Variants in WNT5B observed in about 807,000 individuals in gnomAD.
WNT5B encodes the protein Wnt family member 5B.
Under a neutral mutation model 36.5 loss-of-function variants are expected in WNT5B, and 18 were observed. The ratio of observed to expected loss-of-function variants is 0.49; its 90% CI spans 0.34 to 0.73. The LOEUF (loss-of-function observed/expected upper bound fraction) is 0.73. Ranked by LOEUF, WNT5B falls within the 30% of genes least tolerant of loss-of-function variation. The probability of loss-of-function intolerance (pLI) is 0.01; values close to 1 mark genes in which losing one functional copy is unlikely to be tolerated. For synonymous variants in WNT5B, 213 were observed against 212.3 expected (o/e 1.00, Z -0.03); for missense variants, 424 against 508.4 (o/e 0.83, Z 1.60).
At chr12:1,624,402 GAGAA>G (rs2094538387), upstream of WNT5B, among the ~76,000 whole-genome samples, 3 of 119,486 alleles carry the variant, frequency 2.5e-5, no homozygotes, top group East Asian at 4.6e-4. Context: ...AAAAAAAAAA[GAGAA>G]AGCAGAGAAG....
chr12:1,645,922 C>T lies in WNT5B; in HGVS notation c.750C>T (p.Asp250=). ...KVGDRLKEKY[D]SAAAMRVTRK... is the part of the protein sequence containing the mutation. Reference sequence around the variant, plus strand: ...GGGACCGGCTGAAGGAGAAGTACGACAGCGCGGCCGCCATGCGCGTCACCC... The same window carrying T: ...GGGACCGGCTGAAGGAGAAGTACGATAGCGCGGCCGCCATGCGCGTCACCC... The change falls in exon 5 of 5, where the codon GAC becomes GAT. Residue 250 remains aspartate, a synonymous_variant. Transcript: ENST00000397196. The T allele has an allele frequency of 1.2e-6, 2 of 1,610,368 alleles. No individual in the cohort carries two copies. The highest frequency in any genetic ancestry group is 1.7e-6 in the Non-Finnish European group (2 of 1,179,864).
chr12:1,643,523 G>A (rs2094579348), intron 4 of WNT5B, among the ~76,000 whole-genome samples: 1 of 151,856 alleles, frequency 6.6e-6, no homozygotes. Flanking sequence ...GTGCCACCAC[G>A]CCTGGGCTAA....
chr12:1,632,630 T>C lies in WNT5B; in HGVS notation c.81-28T>C, dbSNP rs775485492. On this transcript the variant is annotated intron_variant, in intron 2 of 4. Coordinates refer to ENST00000397196, the MANE Select transcript of WNT5B (RefSeq NM_032642.3). The surrounding 1 kb of genome is among the most constrained non-coding windows in gnomAD (Gnocchi z 5.8). ...GGCGTATGCTCACTCCTGGGCCTTT[T>C]TTTCCCCTTTCTGGATTGCTGTCCT... 2 of 1,582,420 alleles carry C rather than the reference T, an allele frequency of 1.3e-6. No homozygotes were observed. The highest frequency in any genetic ancestry group is 1.3e-5 in the African/African-American group (1 of 74,120).
At chr12:1,628,892 A>C (rs2094544792), upstream of WNT5B, among the ~76,000 whole-genome samples, 1 of 151,818 alleles carries the variant, frequency 6.6e-6, no homozygotes. Flanking sequence ...CAGGACAGAG[A>C]GCGTCCTGAG....
intron 4 of WNT5B, among the ~76,000 whole-genome samples, chr12:1,641,059 G>A (rs1392811822): frequency 6.6e-6 from 1 of 152,184 alleles, no homozygotes; most frequent in Non-Finnish European, 1.5e-5. Context: ...GTTCCCAGGC[G>A]AGGTAATGTA....
chr12:1,635,108 C>T (rs762742020), intron 3 of WNT5B, among the ~76,000 whole-genome samples: 2 of 152,166 alleles, frequency 1.3e-5, no homozygotes, highest in African/African-American at 4.8e-5. Flanking sequence ...ACCCAAGGGC[C>T]CAAAGGCTGC....
chr12:1,639,595 C>CGT (rs1332393724), intron 3 of WNT5B, 89 bp from the exon 4 acceptor site: 1 of 1,375,830 alleles, frequency 7.3e-7, no homozygotes, highest in African/African-American at 1.5e-5. Context: ...AGAGCCGTGG[C>CGT]GTGCGGGTCC....
At chr12:1,623,833 C>G (rs2094537606) in intron 1 of WNT5B, among the ~76,000 whole-genome samples, 2 of 152,190 alleles carry the variant, frequency 1.3e-5, no homozygotes, top group Admixed American at 1.3e-4. Context: ...TAAGTACCAA[C>G]TCTTTAAAAC....
intron 3 of WNT5B, among the ~76,000 whole-genome samples, chr12:1,634,824 C>G (rs936585355): frequency 2.0e-5 from 3 of 152,180 alleles, no homozygotes; most frequent in Admixed American, 2.0e-4. Flanking sequence ...CGGCCCGTTG[C>G]CCAGCTTCTG....
chr12:1,620,723 T>C (rs1301808122), intron 1 of WNT5B, among the ~76,000 whole-genome samples: 1 of 104,888 alleles, frequency 9.5e-6, no homozygotes, highest in Non-Finnish European at 2.0e-5. Context: ...TTTTTTTTTT[T>C]AGACGGAGTC....
rs1592524627 is a variant in WNT5B, at chr12:1,631,000, A to G, written c.-57-298A>G. On this transcript the variant is annotated intron_variant, in intron 1 of 4. Coordinates refer to ENST00000397196, the MANE Select transcript of WNT5B (RefSeq NM_032642.3). The surrounding 1 kb of genome is among the most constrained non-coding windows in gnomAD (Gnocchi z 5.3). Reference sequence around the variant, plus strand: ...TGGCCTCCCGGCTGCCGAACGGAGGAACGCCGCAAGCTCCGCTCTTGAAAT... The same window carrying G: ...TGGCCTCCCGGCTGCCGAACGGAGGGACGCCGCAAGCTCCGCTCTTGAAAT... 1 of 178,426 alleles carries G rather than the reference A, an allele frequency of 5.6e-6. No individual in the cohort carries two copies. The highest frequency in any genetic ancestry group is 2.4e-3 in the Middle Eastern group (1 of 422). 11.1% of individuals were successfully genotyped at this position (178,426 alleles called of 1,614,324 possible).
At chr12:1,642,243 G>A (rs1565612389) in intron 4 of WNT5B, among the ~76,000 whole-genome samples, 1 of 152,196 alleles carries the variant, frequency 6.6e-6, no homozygotes, top group Non-Finnish European at 1.5e-5. Flanking sequence ...ACGTCTTTGG[G>A]TGTCTGGGCC....
intron 3 of WNT5B, 33 bp from the exon 4 acceptor site, chr12:1,639,651 G>A (rs2094570225): frequency 2.7e-6 from 4 of 1,469,748 alleles, no homozygotes; most frequent in African/African-American, 1.4e-5. Context: ...AGAGGAGAGC[G>A]CACCCGCTTA....
chr12:1,624,061 G>A (rs966246368), intron 1 of WNT5B, among the ~76,000 whole-genome samples: 9 of 152,022 alleles, frequency 5.9e-5, no homozygotes, highest in African/African-American at 9.7e-5. Flanking sequence ...CACACTATTC[G>A]CAGCCGTAGT....
At chr12:1,627,236 G>T (rs940270434), upstream of WNT5B, among the ~76,000 whole-genome samples, 3 of 152,204 alleles carry the variant, frequency 2.0e-5, no homozygotes, top group Admixed American at 1.3e-4. The surrounding 1 kb of genome is among the most constrained non-coding windows in gnomAD (Gnocchi z 5.0). Flanking sequence ...CCCTTGAAGA[G>T]GTCCCCACCT....
chr12:1,631,371 T>G lies in WNT5B; in HGVS notation c.17T>G (p.Leu6Arg). Reference protein sequence around the residue: MPSLLLLFTAALLSSW... With the variant: MPSLLRLFTAALLSSW... Reference sequence around the variant, plus strand: ...AGGCCGACCATGCCCAGCCTGCTGCTGCTGTTCACGGCTGCTCTGCTGTCC... The same window carrying G: ...AGGCCGACCATGCCCAGCCTGCTGCGGCTGTTCACGGCTGCTCTGCTGTCC... The change falls in exon 2 of 5, where the codon CTG (leucine) becomes CGG (arginine). Residue 6 changes from leucine to arginine, a missense_variant. Coordinates refer to ENST00000397196, the MANE Select transcript of WNT5B (RefSeq NM_032642.3). 6.2e-7 allele frequency: 1 copy of G among 1,614,214 alleles called. No homozygotes were observed. The highest frequency in any genetic ancestry group is 1.1e-5 in the South Asian group (1 of 91,092).
chr12:1,623,198 T>G (rs1287458480), intron 1 of WNT5B, among the ~76,000 whole-genome samples: 6 of 119,064 alleles, frequency 5.0e-5, no homozygotes, highest in South Asian at 6.0e-4. Flanking sequence ...TTTTTTTTTT[T>G]TTTTTTTTTT....
chr12:1,626,018 A>C (rs1188831994), upstream of WNT5B, among the ~76,000 whole-genome samples: 1 of 136,042 alleles, frequency 7.4e-6, no homozygotes. Context: ...TCAATCTGTC[A>C]CCCACGCTGA....
Position 1,639,984 on chromosome 12 carries a change from GGGCCTCCCC to G in WNT5B, c.621+18_621+26del. On this transcript the variant is annotated intron_variant, in intron 4 of 4. Transcript: ENST00000397196. ...AACGAGGCCGGTCGCAGGGTAAGCT[GGGCCTCCCC>G]GGCCTCCCCAGCACTGCAGACCTAG... 2 of 1,605,152 alleles carry G rather than the reference GGGCCTCCCC, an allele frequency of 1.2e-6. No homozygotes were observed. The highest frequency in any genetic ancestry group is 1.7e-6 in the Non-Finnish European group (2 of 1,176,456).
Sources: gnomAD v4.1 joint callset for allele counts (sites outside exome capture counted in the v4.1 genomes callset) on GRCh38, gnomAD v4.1.1 for gene constraint, Gnocchi (gnomAD v3.1) non-coding constraint, MANE v1.5 for transcripts, NCBI Gene and HGNC (gene_info 2026-07-23, HGNC 2026-07-21) for gene names.